Variants in SLC6A3 observed in about 807,000 individuals in gnomAD.
SLC6A3 encodes solute carrier family 6 member 3.
Under a neutral mutation model 70.4 loss-of-function variants are expected in SLC6A3, and 19 were observed. That is an observed-to-expected ratio of 0.27 (90% CI 0.19 to 0.40). The LOEUF (loss-of-function observed/expected upper bound fraction) is 0.40. Among genes scored for constraint, SLC6A3 ranks in the 10% least tolerant of loss-of-function variants. The probability of loss-of-function intolerance (pLI) is 1.00; values close to 1 mark genes in which losing one functional copy is unlikely to be tolerated. For missense variants in SLC6A3, 613 were observed against 838.5 expected, an observed-to-expected ratio of 0.73 and a Z score of 3.32; for synonymous variants, 368 against 356.6, an observed-to-expected ratio of 1.03 and a Z score of -0.36.
intron 6 of SLC6A3, chr5:1,416,562 A>T: frequency 3.0e-6 from 1 of 333,814 alleles, no homozygotes; most frequent in Non-Finnish European, 5.8e-6. Flanking sequence ...AACCCTCGGA[A>T]CAGCACGGCC....
At position 1,413,280 on chromosome 5, in the gene SLC6A3, AT is replaced by A. The variant is rs1269135388; in HGVS notation, c.1156+1410del. 1.3e-5 allele frequency among the ~76,000 whole-genome samples: 2 copies of A among 152,022 alleles called. No homozygotes were observed. The highest frequency in any genetic ancestry group is 2.9e-5 in the Non-Finnish European group (2 of 67,994). ...GTTCCCTTTCTCCCGCTTTGACTGAATTTTTTTTCCTAGTGGAAAGAACATG... is the reference window on the plus strand; with the variant it reads ...GTTCCCTTTCTCCCGCTTTGACTGAATTTTTTTCCTAGTGGAAAGAACATG... On this transcript the variant is annotated intron_variant, in intron 8 of 14. Transcript: ENST00000270349. This position sits in a 1 kb window ranked among gnomAD's most constrained non-coding sequence, Gnocchi z 7.1.
In SLC6A3 at chr5:1,442,686, T is replaced by C. The variant is rs1311076002; in HGVS notation, c.286+226A>G. ...CCCCCAGCTTCTTCGCGGGCCTCCC[T>C]TTCCTAAACTCTGAAATGCAGGCGT... On this transcript the variant is annotated intron_variant, in intron 2 of 14. Transcript: ENST00000270349. This position sits in a 1 kb window ranked among gnomAD's most constrained non-coding sequence, Gnocchi z 5.0. Among the ~76,000 whole-genome samples, 1 of 151,016 alleles carries C rather than the reference T, an allele frequency of 6.6e-6. No individual in the cohort carries two copies. Among genetic ancestry groups the C allele is most frequent in the Non-Finnish European group, 1.5e-5 (1 of 67,830 alleles).
rs1756861364 is a variant in SLC6A3 at position 1,437,300 on chromosome 5, CCTCT to C, written c.418+4055_418+4058del. 6.6e-6 allele frequency among the ~76,000 whole-genome samples: 1 copy of C among 151,348 alleles called. No individual in the cohort carries two copies. On this transcript the variant is annotated intron_variant, in intron 3 of 14. Transcript: ENST00000270349. This position sits in a 1 kb window ranked among gnomAD's most constrained non-coding sequence, Gnocchi z 4.8. ...AAGAAAAGAAAGAGGGGAGAGGACG[CCTCT>C]CTGTGTCAGTCTGGGTGTCTTTAGT...
In SLC6A3 at chr5:1,406,041, G is replaced by A; in HGVS notation, c.1599+147C>T. 1 of 706,026 alleles carries A rather than the reference G, an allele frequency of 1.4e-6. No homozygotes were observed. Among genetic ancestry groups the A allele is most frequent in the South Asian group, 1.5e-5 (1 of 65,562 alleles). The allele number at this position is 706,026 out of a possible 1,614,324, so 43.7% of individuals were successfully genotyped here. On this transcript the variant is annotated intron_variant, in intron 12 of 14. Transcript: ENST00000270349. This position sits in a 1 kb window ranked among gnomAD's most constrained non-coding sequence, Gnocchi z 8.8. ...TAAGGAGACTATAGATGAGTTCAGGGATCAGCCTGTCCTTCTGGGCCGAGT... is the reference window on the plus strand; with the variant it reads ...TAAGGAGACTATAGATGAGTTCAGGAATCAGCCTGTCCTTCTGGGCCGAGT...
In SLC6A3 at chr5:1,397,379, C is replaced by T. The variant is rs549662427; in HGVS notation, c.1840-2621G>A. Among the ~76,000 whole-genome samples, 18 of 152,250 alleles carry T rather than the reference C, an allele frequency of 1.2e-4. No homozygotes were observed. Among genetic ancestry groups the T allele is most frequent in the East Asian group, 3.9e-4 (2 of 5,188 alleles). ...CCGGGAGGCGGAGCTTGCAGTGAGC[C>T]GAGATTGCGCCACTGCACTCCAGCC... is the stretch of plus-strand genomic sequence containing the variant. On this transcript the variant is annotated intron_variant, in intron 14 of 14. Transcript: ENST00000270349. This position sits in a 1 kb window ranked among gnomAD's most constrained non-coding sequence, Gnocchi z 4.7.
chr5:1,427,753 C>G (rs1756604704), intron 4 of SLC6A3, among the ~76,000 whole-genome samples: 1 of 152,074 alleles, frequency 6.6e-6, no homozygotes, highest in South Asian at 2.1e-4. Context: ...GAAATCTAAC[C>G]CAGAAGGATA....
rs1756029432 is a variant in SLC6A3 at position 1,408,185 on chromosome 5, T to A, written c.1498+841A>T. Among the ~76,000 whole-genome samples the A allele has an allele frequency of 2.0e-5, 3 of 149,762 alleles. No homozygotes were observed. In the South Asian group the frequency reaches 6.3e-4, roughly 31 times the overall value. ...CTGACTAGCTGGGATTATAGCCTTGTGCCACCACACCCGGCTAATTTTTTT... is the reference window on the plus strand; with the variant it reads ...CTGACTAGCTGGGATTATAGCCTTGAGCCACCACACCCGGCTAATTTTTTT... On this transcript the variant is annotated intron_variant, in intron 11 of 14. Coordinates refer to ENST00000270349, the MANE Select transcript of SLC6A3 (RefSeq NM_001044.5). This position sits in a 1 kb window ranked among gnomAD's most constrained non-coding sequence, Gnocchi z 6.4.
chr5:1,418,900 A>T (rs571394184), intron 6 of SLC6A3, among the ~76,000 whole-genome samples: 101 of 148,238 alleles, frequency 6.8e-4, no homozygotes, highest in Non-Finnish European at 1.2e-3. Context: ...CCTACCTATC[A>T]TTCATCCACC....
In SLC6A3 at chr5:1,438,865, A is replaced by G. The variant is rs1481078409; in HGVS notation, c.418+2494T>C. ...CCAGAGCACAATGTCATCTTTCCTC[A>G]GTTTCCCCTACCCCAGTGGGCCGGC... On this transcript the variant is annotated intron_variant, in intron 3 of 14. Coordinates refer to ENST00000270349, the MANE Select transcript of SLC6A3 (RefSeq NM_001044.5). This position sits in a 1 kb window ranked among gnomAD's most constrained non-coding sequence, Gnocchi z 6.5. Among the ~76,000 whole-genome samples the G allele has an allele frequency of 5.3e-5, 8 of 152,150 alleles. No homozygotes were observed. The highest frequency in any genetic ancestry group is 5.2e-4 in the Admixed American group (8 of 15,274).
chr5:1,443,176 C>A lies in SLC6A3; in HGVS notation c.22G>T (p.Val8Leu), dbSNP rs1243839869. The A allele has an allele frequency of 3.7e-6, 6 of 1,614,252 alleles. No homozygotes were observed. Among genetic ancestry groups the A allele is most frequent in the East Asian group, 2.2e-5 (1 of 44,886 alleles). ...GCCACCACGGAAGACATGAGTCCCACGGAGCATTTGCTCTTACTCATGGGC... is the reference window on the plus strand; with the variant it reads ...GCCACCACGGAAGACATGAGTCCCAAGGAGCATTTGCTCTTACTCATGGGC... The part of the protein sequence containing the change: MSKSKCS[V>L]GLMSSVVAPA... The change falls in exon 2 of 15, where the codon GTG becomes TTG. Residue 8 changes from valine to leucine, a missense_variant. By Grantham distance (32) the Val-to-Leu change is conservative. Around this residue, in one of 4 missense-constraint regions of SLC6A3, gnomAD observed 111 missense variants for 91.6 expected, o/e 1.21. Transcript: ENST00000270349.
At position 1,443,086 on chromosome 5, in the gene SLC6A3, T is replaced by C; in HGVS notation, c.112A>G (p.Asn38Asp). 1 of 1,614,226 alleles carries C rather than the reference T, an allele frequency of 6.2e-7. No homozygotes were observed. Among genetic ancestry groups the C allele is most frequent in the Admixed American group, 1.7e-5 (1 of 60,026 alleles). ...EVELILVKEQ[N>D]GVQLTSSTLT... ...GTGGAGCTGGTGAGCTGCACTCCGT[T>C]CTGCTCCTTGACAAGGATGAGCTCC... is the stretch of plus-strand genomic sequence containing the variant. The change falls in exon 2 of 15, where the codon AAC (asparagine) becomes GAC (aspartate). Residue 38 changes from asparagine (N) to aspartate (D), a missense_variant. Physicochemically the swap from Asn to Asp is conservative, Grantham distance 23. Around this residue, in one of 4 missense-constraint regions of SLC6A3, gnomAD observed 111 missense variants for 91.6 expected, o/e 1.21. Coordinates refer to ENST00000270349, the MANE Select transcript of SLC6A3 (RefSeq NM_001044.5).
intron 4 of SLC6A3, among the ~76,000 whole-genome samples, chr5:1,430,455 A>C (rs1756669433): frequency 6.6e-6 from 1 of 152,154 alleles, no homozygotes. Context: ...AGAACCAAGC[A>C]CTTGGGTTCT....
At position 1,397,042 on chromosome 5, in the gene SLC6A3, A is replaced by G. The variant is rs771015904; in HGVS notation, c.1840-2284T>C. Among the ~76,000 whole-genome samples, 1 of 152,204 alleles carries G rather than the reference A, an allele frequency of 6.6e-6. No individual in the cohort carries two copies. The highest frequency in any genetic ancestry group is 1.5e-5 in the Non-Finnish European group (1 of 68,030). ...ATAATTTAAAAATGGCCACATGTGGATTAATGATAAGATGCGTTACTCAAC... is the reference window on the plus strand; with the variant it reads ...ATAATTTAAAAATGGCCACATGTGGGTTAATGATAAGATGCGTTACTCAAC... On this transcript the variant is annotated intron_variant, in intron 14 of 14. Coordinates refer to ENST00000270349, the MANE Select transcript of SLC6A3 (RefSeq NM_001044.5). The surrounding 1 kb of genome is among the most constrained non-coding windows in gnomAD (Gnocchi z 4.7).
chr5:1,411,306 A>C lies in SLC6A3; in HGVS notation c.1206T>G (p.Pro402=), dbSNP rs747276951. 6.4e-7 allele frequency: 1 copy of C among 1,554,888 alleles called. No homozygotes were observed. Among genetic ancestry groups the C allele is most frequent in the Non-Finnish European group, 8.7e-7 (1 of 1,149,122 alleles). ...IIYPEAIATL[P]LSSAWAVVFF... ...AGACCACGGCCCAGGCTGAGGACAGAGGGAGCGTGGCGATGGCTTCCGGGT... is the reference window on the plus strand; with the variant it reads ...AGACCACGGCCCAGGCTGAGGACAGCGGGAGCGTGGCGATGGCTTCCGGGT... Residue 402 remains proline, a synonymous_variant, in exon 9 of 15, where the codon CCT becomes CCG. Transcript: ENST00000270349. The surrounding 1 kb of genome is among the most constrained non-coding windows in gnomAD (Gnocchi z 6.5).
At chr5:1,443,299 G>A (rs1254289297) in intron 1 of SLC6A3, 57 bp from the exon 2 acceptor site, 4 of 1,361,900 alleles carry the variant, frequency 2.9e-6, no homozygotes, top group Admixed American at 3.4e-5. Context: ...CAGCAGCCAG[G>A]GCTAGGGACA....
At position 1,404,992 on chromosome 5, in the gene SLC6A3, G is replaced by A. The variant is rs771874547; in HGVS notation, c.1599+1196C>T. On this transcript the variant is annotated intron_variant, in intron 12 of 14. Transcript: ENST00000270349. This position sits in a 1 kb window ranked among gnomAD's most constrained non-coding sequence, Gnocchi z 5.2. The stretch of plus-strand genomic sequence containing the variant: ...AAACAGCTCAGTTTCAACTAATGGC[G>A]GGGGAGAGCGGGAGGTGGGCAGGAG... Among the ~76,000 whole-genome samples the A allele has an allele frequency of 6.6e-6, 1 of 152,212 alleles. No homozygotes were observed. The highest frequency in any genetic ancestry group is 1.5e-5 in the Non-Finnish European group (1 of 68,044).
chr5:1,425,426 T>G (rs1268174017), intron 4 of SLC6A3, among the ~76,000 whole-genome samples: 1 of 152,198 alleles, frequency 6.6e-6, no homozygotes, highest in Non-Finnish European at 1.5e-5. Context: ...ACTCACCAAG[T>G]CTAGCATCTA....
At position 1,394,808 on chromosome 5, in the gene SLC6A3, A is replaced by G. The variant is rs1755676022; in HGVS notation, c.1840-50T>C. On this transcript the variant is annotated intron_variant, in intron 14 of 14. Transcript: ENST00000270349. The surrounding 1 kb of genome is among the most constrained non-coding windows in gnomAD (Gnocchi z 4.7). ...GAAACCCTGGGGCGATGCCCCATTT[A>G]AGAGCAGCTGAAGGTGGCTAAGAGC... The G allele has an allele frequency of 1.2e-6, 2 of 1,605,074 alleles. No homozygotes were observed. The highest frequency in any genetic ancestry group is 1.7e-6 in the Non-Finnish European group (2 of 1,173,826).
intron 3 of SLC6A3, among the ~76,000 whole-genome samples, chr5:1,433,892 C>T (rs891321690): frequency 2.0e-5 from 3 of 152,088 alleles, no homozygotes; most frequent in Admixed American, 6.5e-5. Flanking sequence ...CACATCCACC[C>T]GGCCATCCAC....
Sources: gnomAD v4.1 joint callset for allele counts (sites outside exome capture counted in the v4.1 genomes callset) on GRCh38, gnomAD v4.1.1 for gene constraint, gnomAD v4.1.1 regional missense constraint, Gnocchi (gnomAD v3.1) non-coding constraint, MANE v1.5 for transcripts, NCBI Gene and HGNC (gene_info 2026-07-23, HGNC 2026-07-21) for gene names.